SLC39A10: variants seen among roughly 807,000 people sequenced by gnomAD.
The protein encoded by SLC39A10 is solute carrier family 39 member 10, also known as zinc transporter ZIP10.
SLC39A10 carries 13 observed loss-of-function variants against 65.1 expected under a neutral mutation model. The observed-to-expected ratio is 0.20, with a 90% CI of 0.13 to 0.32. The LOEUF is 0.32. Among genes scored for constraint, SLC39A10 ranks in the 10% least tolerant of loss-of-function variants. SLC39A10 has a pLI of 1.00. For missense variants in SLC39A10, 831 were observed against 1,018.4 expected (o/e 0.82, Z 2.50); for synonymous variants, 321 against 342.2 (o/e 0.94, Z 0.68).
chr2:195,655,314 TTGTG>T (rs1689123667), upstream of SLC39A10, among the ~76,000 whole-genome samples: 1 of 152,190 alleles, frequency 6.6e-6, no homozygotes, highest in Admixed American at 6.5e-5. Context: ...TCAGCCGTAC[TTGTG>T]TGTACCAGCT....
At chr2:195,617,249 C>A (rs1328463845) in intron 2 of SLC39A10, among the ~76,000 whole-genome samples, 1 of 152,042 alleles carries the variant, frequency 6.6e-6, no homozygotes, top group African/African-American at 2.4e-5. Flanking sequence ...GTCCAAATAT[C>A]TTTTTAAAAA....
chr2:195,616,846 G>A (rs1217232081), intron 2 of SLC39A10, among the ~76,000 whole-genome samples: 3 of 151,694 alleles, frequency 2.0e-5, no homozygotes, highest in Non-Finnish European at 4.4e-5. Context: ...CTCGTGATCC[G>A]CCCACCTCAG....
At chr2:195,623,360 A>T (rs73072033) in intron 2 of SLC39A10, among the ~76,000 whole-genome samples, 29,811 of 152,190 alleles carry the variant, frequency 0.2, 3,588 homozygotes, top group East Asian at 0.59. Flanking sequence ...AATATTAATA[A>T]AAGAACATAG....
chr2:195,721,386 T>C (rs374952055), intron 8 of SLC39A10, among the ~76,000 whole-genome samples: 34 of 152,356 alleles, frequency 2.2e-4, no homozygotes, highest in African/African-American at 7.9e-4. Context: ...GTTTCCTTGT[T>C]TATACCATTC....
At chr2:195,676,433 CATG>C (rs1361435729) in intron 1 of SLC39A10, among the ~76,000 whole-genome samples, 2 of 151,644 alleles carry the variant, frequency 1.3e-5, no homozygotes, top group Non-Finnish European at 2.9e-5. Flanking sequence ...AAATTTTCAT[CATG>C]ATATGTGCTT....
intron 2 of SLC39A10, among the ~76,000 whole-genome samples, chr2:195,640,171 G>A (rs1020514130): frequency 6.6e-6 from 1 of 152,088 alleles, no homozygotes; most frequent in Non-Finnish European, 1.5e-5. Context: ...AGTACGTTGA[G>A]AAGTAAATAA....
intron 2 of SLC39A10, among the ~76,000 whole-genome samples, chr2:195,624,528 A>T (rs952072900): frequency 2.6e-5 from 4 of 152,124 alleles, no homozygotes; most frequent in Admixed American, 6.6e-5. Flanking sequence ...AAGATACAAG[A>T]TACGGTGATT....
chr2:195,677,118 A>T (rs758976119), intron 1 of SLC39A10, among the ~76,000 whole-genome samples: 1 of 152,248 alleles, frequency 6.6e-6, no homozygotes, highest in Non-Finnish European at 1.5e-5. Flanking sequence ...TTCAGAAAGT[A>T]CACAGAGCAT....
At chr2:195,640,203 A>C (rs1222661448) in intron 2 of SLC39A10, among the ~76,000 whole-genome samples, 2 of 152,156 alleles carry the variant, frequency 1.3e-5, no homozygotes, top group Non-Finnish European at 2.9e-5. Context: ...GTGGAAGCAC[A>C]AAGGCAGTTA....
chr2:195,723,358 T>C (rs1692118621), intron 8 of SLC39A10, among the ~76,000 whole-genome samples: 3 of 152,212 alleles, frequency 2.0e-5, no homozygotes, highest in Admixed American at 2.0e-4. Flanking sequence ...AGGAACTGTA[T>C]AAGCATTTGA....
intron 8 of SLC39A10, among the ~76,000 whole-genome samples, chr2:195,721,660 C>T (rs947110487): frequency 1.3e-5 from 2 of 152,144 alleles, no homozygotes; most frequent in Non-Finnish European, 2.9e-5. Context: ...GTTAGCCTAA[C>T]TCCACAAATC....
At chr2:195,637,903 TA>T (rs1332709386) in intron 2 of SLC39A10, among the ~76,000 whole-genome samples, 1 of 152,132 alleles carries the variant, frequency 6.6e-6, no homozygotes, top group African/African-American at 2.4e-5. Flanking sequence ...TATGAAGTGA[TA>T]AGACAAGTTA....
chr2:195,682,772 T>A (rs545240027), intron 2 of SLC39A10, among the ~76,000 whole-genome samples: 105 of 152,190 alleles, frequency 6.9e-4, no homozygotes, highest in Non-Finnish European at 7.1e-4. Context: ...TGTTCAATAC[T>A]TTTAATAGAG....
intron 7 of SLC39A10, among the ~76,000 whole-genome samples, chr2:195,717,828 A>G (rs1362046251): frequency 6.6e-6 from 1 of 152,186 alleles, no homozygotes; most frequent in African/African-American, 2.4e-5. Flanking sequence ...ACTTTGTGCC[A>G]TTTATTTTCC....
At chr2:195,712,476 C>T (rs530487372) in intron 5 of SLC39A10, among the ~76,000 whole-genome samples, 98 of 152,308 alleles carry the variant, frequency 6.4e-4, no homozygotes, top group South Asian at 2.9e-3. Context: ...AGCAGTTAGA[C>T]GACTTAAACA....
In SLC39A10 at chr2:195,675,576, C is replaced by T. The variant is rs151212882; in HGVS notation, c.-11-4456C>T. ...CCTCCCGAGTAGCTCGTACTACAGGCGCCCGTCACCATGCCTGGCTAATTT... is the reference window on the plus strand; with the variant it reads ...CCTCCCGAGTAGCTCGTACTACAGGTGCCCGTCACCATGCCTGGCTAATTT... On this transcript the variant is annotated intron_variant, in intron 1 of 9. Transcript: ENST00000359634. Among the ~76,000 whole-genome samples, 816 of 152,282 alleles carry T rather than the reference C, an allele frequency of 5.4e-3. 23 individuals are homozygous for T. Among genetic ancestry groups the T allele is most frequent in the Admixed American group, 0.04 (619 of 15,292 alleles).
At chr2:195,707,515 G>A (rs1384018456) in intron 4 of SLC39A10, among the ~76,000 whole-genome samples, 1 of 151,690 alleles carries the variant, frequency 6.6e-6, no homozygotes, top group Non-Finnish European at 1.5e-5. Context: ...ATATTTGTGT[G>A]TTGTGTATAT....
intron 2 of SLC39A10, among the ~76,000 whole-genome samples, chr2:195,636,572 A>G (rs1463572443): frequency 6.6e-6 from 1 of 152,042 alleles, no homozygotes; most frequent in African/African-American, 2.4e-5. Context: ...TAACACGGTG[A>G]AACCCAGTCT....
rs761903930 is a variant in SLC39A10, at chr2:195,683,800, A to T, written c.1110A>T (p.Gln370His). ...FTYLCPALLY[Q>H]IDSRLCIEHF... Reference sequence around the variant, plus strand: ...ACCTTTGCCCTGCATTGTTATATCAAATCGACAGCAGACTTTGTATTGAGC... The same window carrying T: ...ACCTTTGCCCTGCATTGTTATATCATATCGACAGCAGACTTTGTATTGAGC... Residue 370 changes from glutamine to histidine, a missense_variant, in exon 3 of 10, where the codon CAA becomes CAT. Physicochemically the swap from Gln to His is conservative, Grantham distance 24 (BLOSUM62 0). Around this residue, in one of 4 missense-constraint regions of SLC39A10, gnomAD observed 446 missense variants for 499.2 expected, o/e 0.89. Coordinates refer to ENST00000359634, the MANE Select transcript of SLC39A10 (RefSeq NM_020342.3). The T allele has an allele frequency of 2.1e-5, 34 of 1,613,438 alleles. No homozygotes were observed. Among genetic ancestry groups the T allele is most frequent in the Non-Finnish European group, 2.9e-5 (34 of 1,179,514 alleles).
Sources: gnomAD v4.1 joint callset for allele counts (sites outside exome capture counted in the v4.1 genomes callset) on GRCh38, gnomAD v4.1.1 for gene constraint, gnomAD v4.1.1 regional missense constraint, MANE v1.5 for transcripts, NCBI Gene and HGNC (gene_info 2026-07-23, HGNC 2026-07-21) for gene names.